The following NAPB variants were observed in gnomAD, a reference collection of about 807,000 sequenced individuals.
NAPB encodes the protein NSF attachment protein beta, also known as beta-soluble NSF attachment protein.
A neutral mutation model predicts 44.7 loss-of-function variants in NAPB; 26 were observed. The observed-to-expected ratio is 0.58, with a 90% CI of 0.43 to 0.81. The LOEUF is 0.81. Among genes scored for constraint, NAPB ranks in the 30% least tolerant of loss-of-function variants. NAPB has a pLI of 0.00. For missense variants in NAPB, 315 were observed against 356.4 expected (o/e 0.88, Z 0.94); for synonymous variants, 120 against 116.8 (o/e 1.03, Z -0.18).
rs1984420176 is a variant in NAPB, at chr20:23,397,059, C to CT, written c.295+12dup. On this transcript the variant is annotated intron_variant, in intron 3 of 10. Coordinates refer to ENST00000377026, the MANE Select transcript of NAPB (RefSeq NM_022080.3). ...CACACAGAGATAGCATGCTACATGC[C>CT]TGGCTGTCTTACCTTGGGGATCTGC... 1.2e-6 allele frequency: 2 copies of CT among 1,611,218 alleles called. No individual in the cohort carries two copies. The highest frequency in any genetic ancestry group is 1.7e-5 in the Admixed American group (1 of 59,948).
chr20:23,378,443 T>C (rs1463260200), intron 10 of NAPB, among the ~76,000 whole-genome samples: 1 of 149,446 alleles, frequency 6.7e-6, no homozygotes, highest in Non-Finnish European at 1.5e-5. Flanking sequence ...TATTTATTAT[T>C]TATTTATTTA....
chr20:23,400,930 A>G (rs146965047), intron 2 of NAPB, among the ~76,000 whole-genome samples: 23 of 152,342 alleles, frequency 1.5e-4, no homozygotes, highest in African/African-American at 5.5e-4. Flanking sequence ...AATATAAATG[A>G]ATAAAACATT....
At chr20:23,383,156 CAAAAAA>C (rs34238446) in intron 7 of NAPB, among the ~76,000 whole-genome samples, 23 of 76,742 alleles carry the variant, frequency 3.0e-4, no homozygotes, top group African/African-American at 9.5e-4. Flanking sequence ...GACTCGGTCT[CAAAAAA>C]AAAAAAAAAA....
At chr20:23,402,900 TA>T in intron 2 of NAPB, 92 bp downstream of exon 2, 1 of 932,448 alleles carries the variant, frequency 1.1e-6, no homozygotes, top group South Asian at 1.5e-5. Context: ...CTGGGGCCAA[TA>T]GTCTTGCTCT....
At chr20:23,399,811 G>A (rs996764397) in intron 2 of NAPB, among the ~76,000 whole-genome samples, 1 of 152,212 alleles carries the variant, frequency 6.6e-6, no homozygotes. Context: ...TCAGAAGAAC[G>A]TAGTAATAGC....
At chr20:23,384,562 C>T (rs1228877443) in intron 7 of NAPB, among the ~76,000 whole-genome samples, 1 of 151,570 alleles carries the variant, frequency 6.6e-6, no homozygotes, top group Non-Finnish European at 1.5e-5. Flanking sequence ...GTGGAGGCTG[C>T]AGTGAGCCAG....
intron 1 of NAPB, among the ~76,000 whole-genome samples, chr20:23,415,072 G>C (rs2123264271): frequency 6.6e-6 from 1 of 152,088 alleles, no homozygotes; most frequent in African/African-American, 2.4e-5. Flanking sequence ...AAAATGAGGA[G>C]GTAAAGGGGA....
chr20:23,396,615 G>T (rs1984384975), intron 3 of NAPB: 1 of 152,100 alleles, frequency 6.6e-6, no homozygotes, highest in Non-Finnish European at 1.5e-5. Flanking sequence ...AAAACCAAAT[G>T]AATACTGTAT....
intron 7 of NAPB, 76 bp from the exon 8 acceptor site, chr20:23,381,393 C>T (rs1982994678): frequency 1.2e-6 from 1 of 860,228 alleles, no homozygotes; most frequent in Non-Finnish European, 1.8e-6. Flanking sequence ...ATCTGTTGTC[C>T]TTTAGAAAAT....
intron 7 of NAPB, among the ~76,000 whole-genome samples, chr20:23,383,022 G>A (rs1983150596): frequency 6.6e-6 from 1 of 152,092 alleles, no homozygotes; most frequent in Non-Finnish European, 1.5e-5. Flanking sequence ...AGGTGTGGTG[G>A]CAAGCACCTG....
intron 1 of NAPB, among the ~76,000 whole-genome samples, chr20:23,420,367 T>G (rs1301575789): frequency 2.6e-5 from 4 of 152,202 alleles, no homozygotes; most frequent in Admixed American, 2.0e-4. Flanking sequence ...GGAAAAATAC[T>G]ATGCTGAGAA....
Position 23,377,496 on chromosome 20 carries a change from G to A in NAPB, c.787-10C>T. 2 of 1,562,040 alleles carry A rather than the reference G, an allele frequency of 1.3e-6. No individual in the cohort carries two copies. The highest frequency in any genetic ancestry group is 1.8e-6 in the Non-Finnish European group (2 of 1,142,742). ...AGTCAAATTCCTTCACCTAGTATAA[G>A]GAAAGAGGAACAGGAATTACCCCAT... On this transcript the variant is annotated splice_polypyrimidine_tract_variant and intron_variant, in intron 10 of 10. Coordinates refer to ENST00000377026, the MANE Select transcript of NAPB (RefSeq NM_022080.3).
At position 23,376,739 on chromosome 20, in the gene NAPB, T is replaced by C. The variant is rs1982553316; in HGVS notation, c.*637A>G. On this transcript the variant is annotated 3_prime_UTR_variant, in exon 11 of 11. Coordinates refer to ENST00000377026, the MANE Select transcript of NAPB (RefSeq NM_022080.3). ...TCAAATTCACTTTGACACTCATCCA[T>C]ACATGAAGCAAGTACTTCCAGAAAG... 1 of 152,210 alleles carries C rather than the reference T, an allele frequency of 6.6e-6. No individual in the cohort carries two copies. Among genetic ancestry groups the C allele is most frequent in the Non-Finnish European group, 1.5e-5 (1 of 68,042 alleles). The allele number at this position is 152,210 out of a possible 1,614,324, so 9.4% of individuals were successfully genotyped here. A position where few individuals can be genotyped will look rare whatever the true frequency, so the allele number is the denominator to read the frequency against.
At chr20:23,390,065 G>C (rs1322341707) in intron 6 of NAPB, 35 bp from the exon 7 acceptor site, 1 of 1,606,716 alleles carries the variant, frequency 6.2e-7, no homozygotes, top group South Asian at 1.1e-5. Context: ...TGAGTAACAA[G>C]TCAATGGAAA....
At chr20:23,377,517 C>A in intron 10 of NAPB, 31 bp from the exon 11 acceptor site, 1 of 1,467,976 alleles carries the variant, frequency 6.8e-7, no homozygotes, top group Admixed American at 1.8e-5. Flanking sequence ...CAGGAATTAC[C>A]CCATGTAAAT....
intron 1 of NAPB, among the ~76,000 whole-genome samples, chr20:23,419,144 T>C (rs1176082675): frequency 6.6e-6 from 1 of 152,174 alleles, no homozygotes; most frequent in Non-Finnish European, 1.5e-5. Flanking sequence ...CCCATAAATT[T>C]TGAGATATAC....
At chr20:23,416,434 C>T (rs1435338165) in intron 1 of NAPB, among the ~76,000 whole-genome samples, 7 of 152,018 alleles carry the variant, frequency 4.6e-5, no homozygotes, top group Non-Finnish European at 1.0e-4. Flanking sequence ...CCTTAACAAT[C>T]GTGAAAAACA....
At chr20:23,383,367 TAACACCTTTTTTATAGGGGAA>T (rs928866833) in intron 7 of NAPB, among the ~76,000 whole-genome samples, 1 of 152,090 alleles carries the variant, frequency 6.6e-6, no homozygotes, top group African/African-American at 2.4e-5. Context: ...GTCTAGAGAA[TAACACCTTTTTTATAGGGGAA>T]AACAAGTTGA....
At chr20:23,395,884 T>G (rs1287391086) in intron 3 of NAPB, among the ~76,000 whole-genome samples, 1 of 152,216 alleles carries the variant, frequency 6.6e-6, no homozygotes, top group Admixed American at 6.5e-5. Flanking sequence ...TTTATTACGT[T>G]TGGTTTAAAG....
Sources: gnomAD v4.1 joint callset for allele counts (sites outside exome capture counted in the v4.1 genomes callset) on GRCh38, gnomAD v4.1.1 for gene constraint, MANE v1.5 for transcripts, NCBI Gene and HGNC (gene_info 2026-07-23, HGNC 2026-07-21) for gene names.